PCSK2: variants seen among roughly 807,000 people sequenced by gnomAD.
The protein encoded by PCSK2 is neuroendocrine convertase 2.
Under a neutral mutation model 69.7 loss-of-function variants are expected in PCSK2, and 14 were observed. The observed-to-expected ratio is 0.20, with a 90% confidence interval of 0.13 to 0.31. The LOEUF is 0.31. Among genes scored for constraint, PCSK2 ranks in the 10% least tolerant of loss-of-function variants. The probability of loss-of-function intolerance (pLI) is 1.00; values close to 1 mark genes in which losing one functional copy is unlikely to be tolerated. For missense variants in PCSK2, 544 were observed against 842.5 expected (o/e 0.65, Z 4.39); for synonymous variants, 307 against 320.7 (o/e 0.96, Z 0.46).
chr20:17,479,196 C>G, intron 11 of PCSK2: 1 of 1,378,556 alleles, frequency 7.3e-7, no homozygotes, highest in Non-Finnish European at 1.0e-6. Context: ...AGCTGCTGTG[C>G]GAAAGCCATA....
chr20:17,246,735 A>G (rs1275819354), intron 1 of PCSK2, among the ~76,000 whole-genome samples: 1 of 152,054 alleles, frequency 6.6e-6, no homozygotes, highest in Non-Finnish European at 1.5e-5. Context: ...TAGGCTGTCA[A>G]TCAGACTATC....
intron 1 of PCSK2, among the ~76,000 whole-genome samples, chr20:17,233,428 C>A (rs182019467): frequency 3.3e-5 from 5 of 152,230 alleles, no homozygotes; most frequent in East Asian, 3.9e-4. Flanking sequence ...GAGGGAGTGA[C>A]AACTGATTGA....
intron 5 of PCSK2, among the ~76,000 whole-genome samples, chr20:17,389,645 T>G (rs897893158): frequency 1.3e-5 from 2 of 152,210 alleles, no homozygotes; most frequent in African/African-American, 4.8e-5. Context: ...TCATTTATCT[T>G]ATCTCTCTAA....
intron 2 of PCSK2, among the ~76,000 whole-genome samples, chr20:17,335,095 A>G (rs1169919550): frequency 6.6e-6 from 1 of 152,226 alleles, no homozygotes; most frequent in African/African-American, 2.4e-5. Flanking sequence ...AGGAAACCAC[A>G]GTTTTTTGGC....
At chr20:17,434,314 C>T (rs555299665) in intron 7 of PCSK2, among the ~76,000 whole-genome samples, 1 of 152,028 alleles carries the variant, frequency 6.6e-6, no homozygotes, top group Non-Finnish European at 1.5e-5. Context: ...CTAGAGCATC[C>T]AGGGGCAGAG....
chr20:17,268,033 G>GTA (rs753655282), intron 2 of PCSK2, among the ~76,000 whole-genome samples: 8,718 of 65,656 alleles, frequency 0.13, 445 homozygotes, highest in East Asian at 0.29. Context: ...TATCCAATGT[G>GTA]TATATATATA....
intron 2 of PCSK2, among the ~76,000 whole-genome samples, chr20:17,268,033 G>GTGTATATATATATATATA (rs1555783164): frequency 6.0e-5 from 4 of 66,322 alleles, no homozygotes; most frequent in South Asian, 4.1e-4. Context: ...TATCCAATGT[G>GTGTATATATATATATATA]TATATATATA....
intron 7 of PCSK2, among the ~76,000 whole-genome samples, chr20:17,431,304 A>G (rs2032360981): frequency 6.6e-6 from 1 of 152,012 alleles, no homozygotes; most frequent in Non-Finnish European, 1.5e-5. Flanking sequence ...CCCATCTTTC[A>G]TTGTTCGGGG....
At chr20:17,334,360 A>G (rs1990289408) in intron 2 of PCSK2, among the ~76,000 whole-genome samples, 1 of 152,154 alleles carries the variant, frequency 6.6e-6, no homozygotes, top group African/African-American at 2.4e-5. Context: ...GACACTGGAA[A>G]TGAGCATGGT....
At chr20:17,367,035 C>T (rs530635407) in intron 4 of PCSK2, among the ~76,000 whole-genome samples, 45 of 151,186 alleles carry the variant, frequency 3.0e-4, no homozygotes, top group African/African-American at 9.9e-4. Flanking sequence ...TAGATAAGTT[C>T]GTTTGATCTA....
intron 2 of PCSK2, among the ~76,000 whole-genome samples, chr20:17,307,896 G>A (rs974437444): frequency 6.6e-6 from 1 of 152,182 alleles, no homozygotes; most frequent in Non-Finnish European, 1.5e-5. Context: ...GGTTCTGCAG[G>A]CTGTACAGGA....
At chr20:17,241,170 A>T (rs946110259) in intron 1 of PCSK2, among the ~76,000 whole-genome samples, 8 of 152,222 alleles carry the variant, frequency 5.3e-5, no homozygotes, top group Admixed American at 1.3e-4. Flanking sequence ...GCAGGCAATA[A>T]TACATTGAGG....
At chr20:17,388,632 T>C (rs2031296871) in intron 5 of PCSK2, among the ~76,000 whole-genome samples, 2 of 152,080 alleles carry the variant, frequency 1.3e-5, no homozygotes, top group South Asian at 4.2e-4. Context: ...GTTCAGGCAC[T>C]AGGGTCCTGA....
intron 5 of PCSK2, among the ~76,000 whole-genome samples, chr20:17,396,691 T>C (rs762465337): frequency 6.6e-6 from 1 of 152,046 alleles, no homozygotes; most frequent in Non-Finnish European, 1.5e-5. Context: ...AATCATAGCT[T>C]GCTGCAGCCT....
chr20:17,337,627 C>A (rs1990390258), intron 2 of PCSK2, among the ~76,000 whole-genome samples: 1 of 151,948 alleles, frequency 6.6e-6, no homozygotes, highest in East Asian at 1.9e-4. Flanking sequence ...AAATAATAAT[C>A]ATTTAAAAGC....
chr20:17,275,051 T>C (rs1988010655), intron 2 of PCSK2, among the ~76,000 whole-genome samples: 1 of 146,220 alleles, frequency 6.8e-6, no homozygotes, highest in Non-Finnish European at 1.5e-5. Context: ...TTAGGAGTTG[T>C]TATTCTATCT....
intron 2 of PCSK2, among the ~76,000 whole-genome samples, chr20:17,265,956 A>G (rs1394803872): frequency 1.3e-5 from 2 of 152,208 alleles, no homozygotes; most frequent in African/African-American, 2.4e-5. Context: ...TCTCAATACG[A>G]AGTCTGATTT....
intron 5 of PCSK2, among the ~76,000 whole-genome samples, chr20:17,397,443 C>T (rs1242825485): frequency 6.6e-6 from 1 of 151,978 alleles, no homozygotes. Flanking sequence ...AGAATCAATC[C>T]CTCCAGCAGC....
intron 2 of PCSK2, among the ~76,000 whole-genome samples, chr20:17,357,893 TC>T: frequency 8.1e-6 from 1 of 123,504 alleles, no homozygotes; most frequent in African/African-American, 3.0e-5. Flanking sequence ...AAACTCTGTC[TC>T]AAAAAAAAAA....
Sources: gnomAD v4.1 joint callset for allele counts (sites outside exome capture counted in the v4.1 genomes callset) on GRCh38, gnomAD v4.1.1 for gene constraint, MANE v1.5 for transcripts, NCBI Gene and HGNC (gene_info 2026-07-23, HGNC 2026-07-21) for gene names.